The following FCHSD2 variants were observed in gnomAD, a reference collection of about 807,000 sequenced individuals.
The protein encoded by FCHSD2 is F-BAR and double SH3 domains protein 2.
In FCHSD2, 38 loss-of-function variants were observed where a neutral mutation model predicts 108.1. That is an observed-to-expected ratio of 0.35 (90% CI 0.27 to 0.46). FCHSD2 has a LOEUF of 0.46. FCHSD2 is among the 20% of genes least tolerant of loss of function. The pLI, the probability that FCHSD2 is intolerant of heterozygous loss-of-function variation, is 1.00. For missense variants in FCHSD2, 751 were observed against 897.8 expected, an observed-to-expected ratio of 0.84 and a Z score of 2.09; for synonymous variants, 279 against 314.7, an observed-to-expected ratio of 0.89 and a Z score of 1.20.
At chr11:72,940,568 G>A (rs1856395247) in intron 8 of FCHSD2, 3 of 1,181,432 alleles carry the variant, frequency 2.5e-6, no homozygotes, top group Non-Finnish European at 3.8e-6. Context: ...TTTCTTCTGA[G>A]AGTCAGCTGC....
chr11:73,134,287 A>T (rs538938176), intron 2 of FCHSD2, among the ~76,000 whole-genome samples: 1 of 152,200 alleles, frequency 6.6e-6, no homozygotes, highest in African/African-American at 2.4e-5. Context: ...CTGGGGCAAC[A>T]TAGTGAAACC....
intron 2 of FCHSD2, among the ~76,000 whole-genome samples, chr11:73,100,765 G>C (rs1860205479): frequency 6.6e-6 from 1 of 152,048 alleles, no homozygotes; most frequent in African/African-American, 2.4e-5. Flanking sequence ...GTTGAAATTC[G>C]AATCTATTGG....
intron 2 of FCHSD2, among the ~76,000 whole-genome samples, chr11:73,117,840 A>AT (rs1860640009): frequency 1.3e-5 from 2 of 152,192 alleles, no homozygotes; most frequent in African/African-American, 2.4e-5. Context: ...GGTGTCTTTA[A>AT]AGCAAATTGT....
chr11:72,923,950 T>C (rs892797068), intron 8 of FCHSD2, among the ~76,000 whole-genome samples: 2 of 151,962 alleles, frequency 1.3e-5, no homozygotes, highest in African/African-American at 2.4e-5. Flanking sequence ...AGAAAATAAA[T>C]AAATAAATAA....
intron 10 of FCHSD2, among the ~76,000 whole-genome samples, chr11:72,898,903 GTATTAT>G (rs1167059410): frequency 6.6e-6 from 1 of 151,384 alleles, no homozygotes; most frequent in Non-Finnish European, 1.5e-5. Flanking sequence ...CTAGTTTTCT[GTATTAT>G]TATTATTATT....
At chr11:73,088,663 G>A (rs1406468947) in intron 2 of FCHSD2, among the ~76,000 whole-genome samples, 4 of 151,994 alleles carry the variant, frequency 2.6e-5, no homozygotes, top group Non-Finnish European at 1.5e-5. Context: ...TTACACTCAT[G>A]TTGTTTTTCT....
intron 8 of FCHSD2, among the ~76,000 whole-genome samples, chr11:72,926,423 G>A (rs1262187383): frequency 6.6e-6 from 1 of 152,110 alleles, no homozygotes; most frequent in Non-Finnish European, 1.5e-5. Flanking sequence ...GCTAATAGCT[G>A]GAGACGATGG....
chr11:72,847,948 T>A (rs1175125512), intron 14 of FCHSD2, among the ~76,000 whole-genome samples: 1 of 152,106 alleles, frequency 6.6e-6, no homozygotes, highest in Non-Finnish European at 1.5e-5. Flanking sequence ...TGCCTCATTT[T>A]CCCAAAATGT....
chr11:73,099,147 C>T (rs765612711), intron 2 of FCHSD2, among the ~76,000 whole-genome samples: 17 of 152,126 alleles, frequency 1.1e-4, no homozygotes, highest in Non-Finnish European at 2.1e-4. Context: ...CCCAGGCGTT[C>T]CAGGTTGCAG....
At chr11:73,101,594 GC>G (rs1465153207) in intron 2 of FCHSD2, among the ~76,000 whole-genome samples, 2 of 151,772 alleles carry the variant, frequency 1.3e-5, no homozygotes, top group African/African-American at 2.4e-5. Flanking sequence ...CACATACCAT[GC>G]CCAGCTAATT....
rs559226570 is a variant in FCHSD2 at position 72,852,964 on chromosome 11, GAAC to G, written c.1309-3078_1309-3076del. ...TGAGCACTCATGGACACAAAGAGGG[GAAC>G]AACAGACACTGGGGCCTACTTGAAG... On this transcript the variant is annotated intron_variant, in intron 13 of 19. Coordinates refer to ENST00000409418, the MANE Select transcript of FCHSD2 (RefSeq NM_014824.3). Among the ~76,000 whole-genome samples, 30 of 152,212 alleles carry G rather than the reference GAAC, an allele frequency of 2.0e-4. 1 individual carries two copies. In the South Asian group the frequency reaches 5.6e-3, roughly 28 times the overall value.
chr11:73,099,777 G>C (rs1860174365), intron 2 of FCHSD2, among the ~76,000 whole-genome samples: 1 of 152,184 alleles, frequency 6.6e-6, no homozygotes, highest in African/African-American at 2.4e-5. Context: ...GAGAGTGACT[G>C]CTCCAGCGGG....
chr11:73,070,613 A>AT (rs1444954523), intron 3 of FCHSD2, among the ~76,000 whole-genome samples: 2 of 151,888 alleles, frequency 1.3e-5, no homozygotes, highest in Non-Finnish European at 2.9e-5. Context: ...TTTAGTAGAG[A>AT]TGGGGTTTCA....
intron 8 of FCHSD2, among the ~76,000 whole-genome samples, chr11:72,956,866 A>G (rs998661641): frequency 6.6e-6 from 1 of 151,396 alleles, no homozygotes; most frequent in Non-Finnish European, 1.5e-5. Flanking sequence ...CAAATTGACT[A>G]GGTGACCAAT....
chr11:73,047,597 C>T (rs1045855177), intron 3 of FCHSD2, among the ~76,000 whole-genome samples: 1 of 152,132 alleles, frequency 6.6e-6, no homozygotes, highest in African/African-American at 2.4e-5. Flanking sequence ...TATCAAATAA[C>T]ATAAAACACA....
chr11:72,959,082 C>T (rs1157270204), intron 8 of FCHSD2, among the ~76,000 whole-genome samples: 1 of 151,780 alleles, frequency 6.6e-6, no homozygotes, highest in African/African-American at 2.4e-5. Context: ...CTTGGGAGGA[C>T]AAGAGGAGAG....
At chr11:72,984,973 A>C (rs1050362007) in intron 7 of FCHSD2, 89 bp downstream of exon 7, 17 of 631,172 alleles carry the variant, frequency 2.7e-5, no homozygotes, top group Non-Finnish European at 4.9e-5. Flanking sequence ...TAAGGTAGAA[A>C]TAATCCACCT....
rs117466269 is a variant in FCHSD2 at position 72,981,945 on chromosome 11, C to G, written c.705+2143G>C. Among the ~76,000 whole-genome samples the G allele has an allele frequency of 6.4e-3, 977 of 152,324 alleles. 7 individuals carry two copies. Among genetic ancestry groups the G allele is most frequent in the Non-Finnish European group, 8.7e-3 (590 of 68,024 alleles). ...GCAGTGAGCCATGTTCAAGCCACTG[C>G]ACTCTAGCCTGTTATGACAGAGCGA... On this transcript the variant is annotated intron_variant, in intron 8 of 19. Coordinates refer to ENST00000409418, the MANE Select transcript of FCHSD2 (RefSeq NM_014824.3).
At chr11:73,097,722 T>A (rs1050452526) in intron 2 of FCHSD2, among the ~76,000 whole-genome samples, 4 of 152,046 alleles carry the variant, frequency 2.6e-5, no homozygotes, top group Admixed American at 2.0e-4. Flanking sequence ...TTTCTAAGAT[T>A]TATCTATTTC....
Sources: gnomAD v4.1 joint callset for allele counts (sites outside exome capture counted in the v4.1 genomes callset) on GRCh38, gnomAD v4.1.1 for gene constraint, MANE v1.5 for transcripts, NCBI Gene and HGNC (gene_info 2026-07-23, HGNC 2026-07-21) for gene names.